Variants in HS6ST1 observed in about 807,000 individuals in gnomAD.
HS6ST1 encodes the protein heparan sulfate 6-O-sulfotransferase 1, also known as heparan-sulfate 6-O-sulfotransferase 1.
HS6ST1 carries 3 observed loss-of-function variants against 25.2 expected under a neutral mutation model. The observed-to-expected ratio is 0.12, with a 90% CI of 0.05 to 0.31. The LOEUF is 0.31. Among genes scored for constraint, HS6ST1 ranks in the 10% least tolerant of loss-of-function variants. HS6ST1 has a pLI of 1.00. For synonymous variants in HS6ST1, 204 were observed against 275.1 expected (o/e 0.74, Z 2.56); for missense variants, 310 against 609.6 (o/e 0.51, Z 5.18).
chr2:128,283,939 C>A (rs1297304349), intron 1 of HS6ST1, among the ~76,000 whole-genome samples: 1 of 152,214 alleles, frequency 6.6e-6, no homozygotes, highest in Non-Finnish European at 1.5e-5. Flanking sequence ...ATGGACCCCA[C>A]AACTGTAAAT....
chr2:128,310,328 C>A (rs1289331804), intron 1 of HS6ST1, among the ~76,000 whole-genome samples: 1 of 152,204 alleles, frequency 6.6e-6, no homozygotes, highest in Non-Finnish European at 1.5e-5. Context: ...GGGCCCCAGC[C>A]CCAGCCCCAG....
rs1186192920 is a variant in HS6ST1, at chr2:128,301,441, T to C, written c.527+16596A>G. On this transcript the variant is annotated intron_variant, in intron 1 of 1. Coordinates refer to ENST00000259241, the MANE Select transcript of HS6ST1 (RefSeq NM_004807.3). ...CATCTCCTCTAATATCCTGGGACCATTTCAAAGACTTCTGAGAGCTCAGGA... is the reference window on the plus strand; with the variant it reads ...CATCTCCTCTAATATCCTGGGACCACTTCAAAGACTTCTGAGAGCTCAGGA... Among the ~76,000 whole-genome samples the C allele has an allele frequency of 2.0e-5, 3 of 152,128 alleles. No individual in the cohort carries two copies. In the South Asian group the frequency reaches 6.2e-4, roughly 32 times the overall value.
intron 1 of HS6ST1, among the ~76,000 whole-genome samples, chr2:128,306,284 G>A (rs1338737997): frequency 6.6e-6 from 1 of 152,132 alleles, no homozygotes; most frequent in Non-Finnish European, 1.5e-5. Flanking sequence ...AACTGTGGTC[G>A]GGCTGGAGGA....
chr2:128,316,360 A>C (rs976993323), intron 1 of HS6ST1, among the ~76,000 whole-genome samples: 4 of 152,198 alleles, frequency 2.6e-5, no homozygotes, highest in African/African-American at 9.6e-5. Flanking sequence ...TCCCTCTGGC[A>C]AAGGGGGTGA....
intron 1 of HS6ST1, among the ~76,000 whole-genome samples, chr2:128,281,834 G>C (rs1693795023): frequency 6.6e-6 from 1 of 152,206 alleles, no homozygotes; most frequent in Non-Finnish European, 1.5e-5. Flanking sequence ...TTAATTTACT[G>C]AACTCCTGGC....
At chr2:128,272,567 G>A (rs1448943639) in intron 1 of HS6ST1, among the ~76,000 whole-genome samples, 2 of 152,286 alleles carry the variant, frequency 1.3e-5, no homozygotes, top group South Asian at 2.1e-4. Context: ...CACAGCTGAG[G>A]GGAACAAAGG....
intron 1 of HS6ST1, among the ~76,000 whole-genome samples, chr2:128,315,587 C>T (rs1694349492): frequency 6.6e-6 from 1 of 152,156 alleles, no homozygotes; most frequent in South Asian, 2.1e-4. Flanking sequence ...TCTCCTGACA[C>T]CAAGCCCACT....
At chr2:128,304,820 T>A (rs1348444982) in intron 1 of HS6ST1, among the ~76,000 whole-genome samples, 1 of 152,164 alleles carries the variant, frequency 6.6e-6, no homozygotes, top group Non-Finnish European at 1.5e-5. Context: ...ACTCAGCATC[T>A]CATGACACTC....
intron 1 of HS6ST1, among the ~76,000 whole-genome samples, chr2:128,305,773 C>T (rs138191838): frequency 0.011 from 1,719 of 152,346 alleles, 16 homozygotes; most frequent in Non-Finnish European, 0.02. Flanking sequence ...CAGCTGCTTC[C>T]AGCAGGCCAC....
At position 128,268,505 on chromosome 2, in the gene HS6ST1, C is replaced by T. The variant is rs762113887; in HGVS notation, c.893G>A (p.Arg298His). ...CCGCTCGAACAGGTACTGCGTCTTG[C>T]GCTGGAACTCGGTCAGGCCGAAGAA... ...MAFFGLTEFQ[R>H]KTQYLFERTF... is the part of the protein sequence containing the mutation. The change falls in exon 2 of 2, where the codon CGC becomes CAC. Residue 298 changes from arginine to histidine, a missense_variant. Physicochemically the swap from Arg to His is conservative, Grantham distance 29. Around this residue, in one of 5 missense-constraint regions of HS6ST1, gnomAD observed 140 missense variants for 176.5 expected, o/e 0.79. Coordinates refer to ENST00000259241, the MANE Select transcript of HS6ST1 (RefSeq NM_004807.3). 10 of 1,608,998 alleles carry T rather than the reference C, an allele frequency of 6.2e-6. 1 individual carries two copies. Among genetic ancestry groups the T allele is most frequent in the South Asian group, 2.2e-5 (2 of 90,560 alleles).
At chr2:128,317,408 C>A (rs1385653090) in intron 1 of HS6ST1, among the ~76,000 whole-genome samples, 2 of 152,236 alleles carry the variant, frequency 1.3e-5, no homozygotes, top group South Asian at 2.1e-4. Context: ...TGGAAGAATT[C>A]GGCTGGCAGG....
intron 1 of HS6ST1, among the ~76,000 whole-genome samples, chr2:128,280,265 G>A (rs1693765399): frequency 6.6e-6 from 1 of 152,248 alleles, no homozygotes; most frequent in South Asian, 2.1e-4. Flanking sequence ...CTTGGGGCGG[G>A]TGGCTGCCTC....
At chr2:128,295,343 G>A (rs1694026760) in intron 1 of HS6ST1, among the ~76,000 whole-genome samples, 1 of 152,188 alleles carries the variant, frequency 6.6e-6, no homozygotes, top group South Asian at 2.1e-4. Context: ...TGAGGTGAAG[G>A]CCCTTGCTCA....
At chr2:128,308,276 A>G (rs1694240585) in intron 1 of HS6ST1, among the ~76,000 whole-genome samples, 1 of 152,208 alleles carries the variant, frequency 6.6e-6, no homozygotes, top group Non-Finnish European at 1.5e-5. Context: ...CAGTGGGAAC[A>G]GAGGTGAAAC....
intron 1 of HS6ST1, among the ~76,000 whole-genome samples, chr2:128,286,096 G>A (rs550831116): frequency 9.2e-5 from 14 of 152,312 alleles, no homozygotes; most frequent in East Asian, 7.7e-4. Context: ...GGTGTGTGGC[G>A]TATGTAGGGA....
At chr2:128,279,905 C>T (rs1045026639) in intron 1 of HS6ST1, among the ~76,000 whole-genome samples, 4 of 152,352 alleles carry the variant, frequency 2.6e-5, no homozygotes, top group Admixed American at 1.3e-4. Context: ...AGCGACAGCA[C>T]CTGCTTCCCC....
intron 1 of HS6ST1, among the ~76,000 whole-genome samples, chr2:128,280,670 G>A (rs372723074): frequency 8.6e-5 from 13 of 151,494 alleles, no homozygotes; most frequent in South Asian, 8.3e-4. Flanking sequence ...TCCCTTCTTG[G>A]TGACGTCTGT....
chr2:128,284,920 T>C (rs1194512317), intron 1 of HS6ST1, among the ~76,000 whole-genome samples: 1 of 152,156 alleles, frequency 6.6e-6, no homozygotes, highest in Admixed American at 6.5e-5. Flanking sequence ...GCCTAAATGC[T>C]GAGCTCAGTT....
At chr2:128,307,298 T>C (rs1694228021) in intron 1 of HS6ST1, among the ~76,000 whole-genome samples, 1 of 152,068 alleles carries the variant, frequency 6.6e-6, no homozygotes, top group Non-Finnish European at 1.5e-5. Flanking sequence ...TCAGCTGCCA[T>C]CTGTCCACCT....
Sources: gnomAD v4.1 joint callset for allele counts (sites outside exome capture counted in the v4.1 genomes callset) on GRCh38, gnomAD v4.1.1 for gene constraint, gnomAD v4.1.1 regional missense constraint, MANE v1.5 for transcripts, NCBI Gene and HGNC (gene_info 2026-07-23, HGNC 2026-07-21) for gene names.